The following KCND2 variants were observed in gnomAD, a reference collection of about 807,000 sequenced individuals.
KCND2 encodes the protein A-type voltage-gated potassium channel KCND2.
A neutral mutation model predicts 54.4 loss-of-function variants in KCND2; 16 were observed. That is an observed-to-expected ratio of 0.29 (90% CI 0.20 to 0.45). The LOEUF is 0.45. Among genes scored for constraint, KCND2 ranks in the 20% least tolerant of loss-of-function variants. KCND2 has a pLI of 1.00. For missense variants in KCND2, 486 were observed against 824.2 expected (o/e 0.59, Z 5.02); for synonymous variants, 317 against 310.7 (o/e 1.02, Z -0.21).
chr7:120,376,279 A>C (rs1169833442), intron 1 of KCND2, among the ~76,000 whole-genome samples: 1 of 151,608 alleles, frequency 6.6e-6, no homozygotes, highest in Non-Finnish European at 1.5e-5. Flanking sequence ...TGTTGGATGG[A>C]GGAAAGGCAT....
chr7:120,600,096 A>G (rs929590004), intron 1 of KCND2, among the ~76,000 whole-genome samples: 1 of 151,838 alleles, frequency 6.6e-6, no homozygotes, highest in African/African-American at 2.4e-5. Flanking sequence ...TTTTTCATTT[A>G]AAGAACTTAG....
At chr7:120,324,240 T>G (rs1339984467) in intron 1 of KCND2, among the ~76,000 whole-genome samples, 4 of 150,736 alleles carry the variant, frequency 2.7e-5, no homozygotes, top group South Asian at 2.1e-4. Context: ...TTTCTCCCAT[T>G]TTGTAGGTTG....
At chr7:120,317,503 G>T (rs1026466272) in intron 1 of KCND2, among the ~76,000 whole-genome samples, 1 of 151,856 alleles carries the variant, frequency 6.6e-6, no homozygotes, top group East Asian at 1.9e-4. Flanking sequence ...TCTGTATTCA[G>T]TGTGAATTAT....
At chr7:120,664,329 G>A (rs1250341766) in intron 1 of KCND2, among the ~76,000 whole-genome samples, 1 of 152,020 alleles carries the variant, frequency 6.6e-6, no homozygotes, top group Non-Finnish European at 1.5e-5. Context: ...ATAGTCATTA[G>A]TACATGTAAA....
chr7:120,618,966 G>C (rs1050273565), intron 1 of KCND2, among the ~76,000 whole-genome samples: 2 of 151,984 alleles, frequency 1.3e-5, no homozygotes, highest in Non-Finnish European at 2.9e-5. Context: ...GCATCACCAG[G>C]TCCGGCTATT....
intron 1 of KCND2, among the ~76,000 whole-genome samples, chr7:120,390,383 T>G (rs1015286172): frequency 1.3e-5 from 2 of 151,972 alleles, no homozygotes; most frequent in Non-Finnish European, 2.9e-5. Flanking sequence ...TTACGGAGGA[T>G]TTACCACATG....
chr7:120,342,450 C>T (rs1051400208), intron 1 of KCND2, among the ~76,000 whole-genome samples: 24 of 152,172 alleles, frequency 1.6e-4, no homozygotes, highest in African/African-American at 5.3e-4. Flanking sequence ...CTATCACCAA[C>T]GATAAATGAT....
chr7:120,414,989 C>G (rs544227812), intron 1 of KCND2, among the ~76,000 whole-genome samples: 2 of 152,102 alleles, frequency 1.3e-5, no homozygotes, highest in African/African-American at 4.8e-5. Context: ...TCTGGCCTTC[C>G]AATCAAGAAA....
At chr7:120,347,179 G>C (rs1423593885) in intron 1 of KCND2, among the ~76,000 whole-genome samples, 1 of 152,072 alleles carries the variant, frequency 6.6e-6, no homozygotes, top group Non-Finnish European at 1.5e-5. Flanking sequence ...GATCTGTATG[G>C]GCTGTCACTT....
chr7:120,558,098 C>A (rs187839284), intron 1 of KCND2, among the ~76,000 whole-genome samples: 193 of 152,172 alleles, frequency 1.3e-3, no homozygotes, highest in Non-Finnish European at 2.3e-3. Flanking sequence ...GGATCTCCAA[C>A]TTTTTCAGAG....
rs4730961 is a variant in KCND2 at position 120,443,351 on chromosome 7, T to A, written c.1115+167604T>A. Among the ~76,000 whole-genome samples the A allele has an allele frequency of 4.9e-5, 6 of 123,054 alleles. No homozygotes were observed. In the South Asian group the frequency reaches 7.0e-4, roughly 14 times the overall value. 80.7% of individuals were successfully genotyped at this position (123,054 alleles called of 152,430 possible). On this transcript the variant is annotated intron_variant, in intron 1 of 5. Transcript: ENST00000331113. ...AACAATCTCCAAGAAATAACAATAA[T>A]AAATAATAATAATAATAATAATAAT...
intron 1 of KCND2, among the ~76,000 whole-genome samples, chr7:120,304,960 C>G (rs1246312496): frequency 1.3e-5 from 2 of 152,122 alleles, no homozygotes; most frequent in African/African-American, 4.8e-5. Context: ...CTTCTATTGT[C>G]AATATTATTG....
At chr7:120,427,983 A>G (rs1258465562) in intron 1 of KCND2, among the ~76,000 whole-genome samples, 1 of 152,206 alleles carries the variant, frequency 6.6e-6, no homozygotes, top group Non-Finnish European at 1.5e-5. Flanking sequence ...ACTCTAGCTG[A>G]TTCAATTGGT....
intron 1 of KCND2, among the ~76,000 whole-genome samples, chr7:120,394,348 G>A (rs1347957942): frequency 2.0e-5 from 3 of 151,892 alleles, no homozygotes; most frequent in Non-Finnish European, 2.9e-5. Flanking sequence ...TGCTGGAGGG[G>A]CCACAAGACT....
intron 1 of KCND2, chr7:120,672,769 A>G (rs994621867): frequency 2.6e-5 from 4 of 152,042 alleles, no homozygotes; most frequent in Non-Finnish European, 4.4e-5. Context: ...GTATTTGGAG[A>G]TAGGGATTTT....
At chr7:120,670,520 C>G (rs1287479395) in intron 1 of KCND2, among the ~76,000 whole-genome samples, 1 of 151,996 alleles carries the variant, frequency 6.6e-6, no homozygotes, top group Admixed American at 6.6e-5. Context: ...GAGCCACCAC[C>G]CGCTTCCCCA....
intron 1 of KCND2, among the ~76,000 whole-genome samples, chr7:120,600,851 CAATG>C (rs1409427190): frequency 6.6e-6 from 1 of 151,882 alleles, no homozygotes; most frequent in Non-Finnish European, 1.5e-5. Context: ...CTGAACAACT[CAATG>C]AATCAGTAAA....
At chr7:120,586,688 C>T (rs10265695) in intron 1 of KCND2, among the ~76,000 whole-genome samples, 6 of 152,080 alleles carry the variant, frequency 3.9e-5, no homozygotes, top group Admixed American at 1.3e-4. Context: ...GCTTTCTCAA[C>T]GGTTTCCTGA....
At chr7:120,672,941 T>A (rs1792011063) in intron 1 of KCND2, 1 of 151,994 alleles carries the variant, frequency 6.6e-6, no homozygotes, top group Non-Finnish European at 1.5e-5. Context: ...TTGTGCAAGG[T>A]TGACATGCAT....
Sources: gnomAD v4.1 joint callset for allele counts (sites outside exome capture counted in the v4.1 genomes callset) on GRCh38, gnomAD v4.1.1 for gene constraint, MANE v1.5 for transcripts, NCBI Gene and HGNC (gene_info 2026-07-23, HGNC 2026-07-21) for gene names.